The following DGKI variants were observed in gnomAD, a reference collection of about 807,000 sequenced individuals.
The protein encoded by DGKI is diacylglycerol kinase iota.
In DGKI, 55 loss-of-function variants were observed where a neutral mutation model predicts 147.5. The ratio of observed to expected loss-of-function variants is 0.37; its 90% CI spans 0.30 to 0.47. The LOEUF (loss-of-function observed/expected upper bound fraction) is 0.47. Among genes scored for constraint, DGKI ranks in the 20% least tolerant of loss-of-function variants. The pLI, the probability that DGKI is intolerant of heterozygous loss-of-function variation, is 1.00. For missense variants in DGKI, 1,007 were observed against 1,323.8 expected, an observed-to-expected ratio of 0.76 and a Z score of 3.71; for synonymous variants, 469 against 477.1, an observed-to-expected ratio of 0.98 and a Z score of 0.22.
At chr7:137,831,217 C>CT (rs1286860036) in intron 1 of DGKI, among the ~76,000 whole-genome samples, 1 of 152,192 alleles carries the variant, frequency 6.6e-6, no homozygotes, top group African/African-American at 2.4e-5. Context: ...ATCAGTTAGA[C>CT]TTTTTTTAAA....
intron 1 of DGKI, among the ~76,000 whole-genome samples, chr7:137,717,688 T>G (rs1004587384): frequency 1.3e-5 from 2 of 152,070 alleles, no homozygotes; most frequent in Admixed American, 1.3e-4. Context: ...TAAAAATTAA[T>G]GAAAAGAGGA....
intron 6 of DGKI, among the ~76,000 whole-genome samples, chr7:137,642,715 G>T (rs1821674031): frequency 6.6e-6 from 1 of 151,990 alleles, no homozygotes; most frequent in Non-Finnish European, 1.5e-5. Context: ...CACACACTCA[G>T]CCAAACACAT....
At chr7:137,498,119 G>A (rs887414370) in intron 21 of DGKI, among the ~76,000 whole-genome samples, 1 of 151,310 alleles carries the variant, frequency 6.6e-6, no homozygotes, top group African/African-American at 2.4e-5. Context: ...AAACAAAGAG[G>A]AACCTCATTC....
Position 137,672,766 on chromosome 7 carries a change from CTTTTTTTTTTTTTTT to C in DGKI, c.606+5776_606+5790del, listed in dbSNP as rs60078498. Among the ~76,000 whole-genome samples the C allele has an allele frequency of 3.5e-3, 230 of 65,700 alleles. 1 individual carries two copies. Among genetic ancestry groups the C allele is most frequent in the African/African-American group, 0.016 (216 of 13,892 alleles). The allele number at this position is 65,700 out of a possible 152,430, so 43.1% of individuals were successfully genotyped here. The stretch of plus-strand genomic sequence containing the variant: ...TCTCTGTGTGTGTGTCTCTGTGTGT[CTTTTTTTTTTTTTTT>C]TTTTTTTTTTTTTTTTGAGAGGGAG... On this transcript the variant is annotated intron_variant, in intron 3 of 32. Transcript: ENST00000614521.
chr7:137,702,043 C>T (rs1375011931), intron 1 of DGKI, among the ~76,000 whole-genome samples: 1 of 151,970 alleles, frequency 6.6e-6, no homozygotes, highest in Non-Finnish European at 1.5e-5. Context: ...TTGAAACAAT[C>T]CAATGGAGAG....
At chr7:137,459,599 C>T (rs1016407592) in intron 27 of DGKI, among the ~76,000 whole-genome samples, 1 of 151,302 alleles carries the variant, frequency 6.6e-6, no homozygotes. Flanking sequence ...CTCAGCCTCC[C>T]GAGTAGCTGG....
At chr7:137,460,205 T>TG (rs1439492626) in intron 27 of DGKI, among the ~76,000 whole-genome samples, 8 of 152,320 alleles carry the variant, frequency 5.3e-5, no homozygotes, top group African/African-American at 1.9e-4. Context: ...TTTCAGTTAC[T>TG]GATTCATCAG....
At chr7:137,618,571 T>C (rs1414747596) in intron 8 of DGKI, among the ~76,000 whole-genome samples, 1 of 151,910 alleles carries the variant, frequency 6.6e-6, no homozygotes, top group African/African-American at 2.4e-5. Context: ...AATGGAAAGA[T>C]GTGGATTTAA....
intron 1 of DGKI, among the ~76,000 whole-genome samples, chr7:137,745,326 T>A (rs1320199195): frequency 6.6e-6 from 1 of 152,222 alleles, no homozygotes; most frequent in Non-Finnish European, 1.5e-5. Context: ...TCACCCAGTA[T>A]AAAACCTTCA....
intron 3 of DGKI, among the ~76,000 whole-genome samples, chr7:137,665,233 C>A (rs1341273478): frequency 6.6e-6 from 1 of 152,104 alleles, no homozygotes; most frequent in Non-Finnish European, 1.5e-5. Context: ...GGGGCCTGAA[C>A]TGGAGTGACA....
intron 1 of DGKI, among the ~76,000 whole-genome samples, chr7:137,734,864 A>C (rs1405329773): frequency 6.6e-6 from 1 of 152,076 alleles, no homozygotes; most frequent in African/African-American, 2.4e-5. Context: ...ATGACCTTTA[A>C]AGTGCCTGGC....
intron 27 of DGKI, among the ~76,000 whole-genome samples, chr7:137,455,121 A>G (rs1352812865): frequency 1.3e-5 from 2 of 152,172 alleles, no homozygotes; most frequent in Admixed American, 6.5e-5. Flanking sequence ...AAAATGGGAG[A>G]CAAAACTAGG....
chr7:137,572,739 A>C, intron 18 of DGKI, 26 bp downstream of exon 18: 1 of 1,524,136 alleles, frequency 6.6e-7, no homozygotes, highest in Non-Finnish European at 8.9e-7. Flanking sequence ...ACGTCAAACC[A>C]AGGAAACAAT....
intron 32 of DGKI, among the ~76,000 whole-genome samples, chr7:137,392,644 G>A (rs527308589): frequency 4.6e-5 from 7 of 152,288 alleles, no homozygotes; most frequent in East Asian, 1.9e-4. Context: ...GGATTTAGCC[G>A]TTAACCACTA....
chr7:137,468,462 A>G (rs1241518838), intron 24 of DGKI, among the ~76,000 whole-genome samples: 1 of 152,214 alleles, frequency 6.6e-6, no homozygotes, highest in Non-Finnish European at 1.5e-5. Context: ...GGAATGACAA[A>G]TGATTATGTT....
At chr7:137,659,600 C>T (rs905522269) in intron 3 of DGKI, among the ~76,000 whole-genome samples, 4 of 152,146 alleles carry the variant, frequency 2.6e-5, no homozygotes, top group Non-Finnish European at 4.4e-5. Flanking sequence ...TACTTCTCTA[C>T]GAAAGGTGAT....
intron 23 of DGKI, among the ~76,000 whole-genome samples, chr7:137,470,742 C>CTCCTT (rs1563038471): frequency 1.3e-5 from 2 of 151,942 alleles, no homozygotes; most frequent in Non-Finnish European, 2.9e-5. Flanking sequence ...TTCTTAAACT[C>CTCCTT]TCCTTTCTTG....
intron 1 of DGKI, among the ~76,000 whole-genome samples, chr7:137,731,600 A>G (rs907135935): frequency 6.6e-6 from 1 of 152,096 alleles, no homozygotes; most frequent in Non-Finnish European, 1.5e-5. Context: ...TCTTCAAATC[A>G]GGCCCATATG....
chr7:137,486,572 G>A (rs571991911), intron 22 of DGKI, among the ~76,000 whole-genome samples: 22 of 152,174 alleles, frequency 1.4e-4, no homozygotes, highest in African/African-American at 4.1e-4. Flanking sequence ...TAATGAAGCC[G>A]TAAGTGTAAA....
Sources: gnomAD v4.1 joint callset for allele counts (sites outside exome capture counted in the v4.1 genomes callset) on GRCh38, gnomAD v4.1.1 for gene constraint, MANE v1.5 for transcripts, NCBI Gene and HGNC (gene_info 2026-07-23, HGNC 2026-07-21) for gene names.